Variants in PTPRD observed in about 807,000 individuals in gnomAD.
The protein encoded by PTPRD is receptor-type tyrosine-protein phosphatase delta.
A neutral mutation model predicts 214.5 loss-of-function variants in PTPRD; 34 were observed. The observed-to-expected ratio is 0.16, with a 90% confidence interval of 0.12 to 0.21. The LOEUF is 0.21. Ranked by LOEUF, PTPRD falls within the 10% of genes least tolerant of loss-of-function variation. The pLI, the probability that PTPRD is intolerant of heterozygous loss-of-function variation, is 1.00. For missense variants in PTPRD, 2,545 were observed against 2,398.7 expected (o/e 1.06, Z -1.27); for synonymous variants, 1,128 against 845.7 (o/e 1.33, Z -5.79).
chr9:9,504,929 G>A (rs1489087454), intron 8 of PTPRD, among the ~76,000 whole-genome samples: 1 of 151,596 alleles, frequency 6.6e-6, no homozygotes, highest in African/African-American at 2.4e-5. Flanking sequence ...AATAATGATT[G>A]CAGTAGAGAG....
chr9:10,487,062 T>C (rs1010923962), intron 2 of PTPRD, among the ~76,000 whole-genome samples: 1 of 152,200 alleles, frequency 6.6e-6, no homozygotes, highest in Non-Finnish European at 1.5e-5. Flanking sequence ...ATACTGGCAC[T>C]CTTTTTCTCT....
chr9:9,513,299 C>G (rs1366921366), intron 8 of PTPRD, among the ~76,000 whole-genome samples: 2 of 151,916 alleles, frequency 1.3e-5, no homozygotes, highest in Non-Finnish European at 2.9e-5. Flanking sequence ...TAAAAATGTT[C>G]ACAGTTCATG....
At position 10,535,502 on chromosome 9, in the gene PTPRD, G is replaced by A. The variant is rs557140236; in HGVS notation, c.-600+76896C>T. ...TATGCCAACATCTTTAAAAAAAAGTGTCTAACAAAAATGCACTTTGCTAAT... is the reference window on the plus strand; with the variant it reads ...TATGCCAACATCTTTAAAAAAAAGTATCTAACAAAAATGCACTTTGCTAAT... On this transcript the variant is annotated intron_variant, in intron 2 of 45. Coordinates refer to ENST00000381196, the MANE Select transcript of PTPRD (RefSeq NM_002839.4). Among the ~76,000 whole-genome samples the A allele has an allele frequency of 8.6e-4, 131 of 152,038 alleles. 1 individual carries two copies. Among genetic ancestry groups the A allele is most frequent in the Middle Eastern group, 3.4e-3 (1 of 294 alleles).
At chr9:8,339,613 T>G (rs7871355) in intron 42 of PTPRD, among the ~76,000 whole-genome samples, 18 of 152,116 alleles carry the variant, frequency 1.2e-4, no homozygotes, top group African/African-American at 4.1e-4. Flanking sequence ...CCTCGTCTGA[T>G]ATTCTTTTTG....
In PTPRD at chr9:8,810,655, T is replaced by C. The variant is rs548647102; in HGVS notation, c.-103-76709A>G. ...GTTTCAAGAGAAGTAGAGATCTGAA[T>C]TTTTATTTGCCATTCTCCAGTTTTT... On this transcript the variant is annotated intron_variant, in intron 11 of 45. Transcript: ENST00000381196. Among the ~76,000 whole-genome samples the C allele has an allele frequency of 8.1e-4, 124 of 152,336 alleles. 1 individual carries two copies. The highest frequency in any genetic ancestry group is 2.9e-3 in the African/African-American group (121 of 41,570).
intron 2 of PTPRD, among the ~76,000 whole-genome samples, chr9:10,443,848 C>T (rs2154524169): frequency 6.7e-6 from 1 of 149,952 alleles, no homozygotes; most frequent in Middle Eastern, 3.4e-3. Context: ...CTCAAATTCA[C>T]ACACACACAC....
chr9:10,341,317 TA>T (rs138283342), intron 2 of PTPRD, among the ~76,000 whole-genome samples: 10,476 of 151,992 alleles, frequency 0.069, 475 homozygotes, highest in Middle Eastern at 0.17. Context: ...GAATATTACC[TA>T]AAGAAAAATA....
rs963157495 is a variant in PTPRD, at chr9:8,389,224, A to T, written c.4386+8T>A. On this transcript the variant is annotated splice_region_variant and intron_variant, in intron 37 of 45. Coordinates refer to ENST00000381196, the MANE Select transcript of PTPRD (RefSeq NM_002839.4). ...TTTAAAAGGAAAGAGGTGGATACTT[A>T]TTCTTACCCTTGATCTTTCTTCTAG... 6.0e-5 allele frequency: 96 copies of T among 1,602,124 alleles called. No homozygotes were observed. The highest frequency in any genetic ancestry group is 8.2e-5 in the Non-Finnish European group (96 of 1,174,758).
intron 29 of PTPRD, among the ~76,000 whole-genome samples, chr9:8,484,726 C>T (rs953463672): frequency 6.6e-6 from 1 of 151,778 alleles, no homozygotes; most frequent in Non-Finnish European, 1.5e-5. Context: ...ATGAATATTG[C>T]CTATTTTCTA....
At chr9:10,575,023 A>G (rs2068752024) in intron 2 of PTPRD, among the ~76,000 whole-genome samples, 1 of 147,516 alleles carries the variant, frequency 6.8e-6, no homozygotes. Context: ...GAAAGATACA[A>G]AAACTACTTT....
intron 45 of PTPRD, 135 bp downstream of exon 45, chr9:8,319,696 T>C (rs775142941): frequency 3.8e-4 from 411 of 1,088,684 alleles, no homozygotes; most frequent in Non-Finnish European, 4.5e-4. Context: ...GAAAATGAGG[T>C]TCAAAATTAT....
intron 5 of PTPRD, among the ~76,000 whole-genome samples, chr9:9,881,587 TTTCAGTTAGCTTTGGAAC>T (rs1351518777): frequency 3.9e-5 from 6 of 152,126 alleles, no homozygotes; most frequent in African/African-American, 1.4e-4. Flanking sequence ...TACATGGAAC[TTTCAGTTAGCTTTGGAAC>T]TTCAGTTAGC....
At chr9:8,967,085 C>G (rs1237948476) in intron 11 of PTPRD, among the ~76,000 whole-genome samples, 1 of 151,512 alleles carries the variant, frequency 6.6e-6, no homozygotes, top group East Asian at 1.9e-4. Flanking sequence ...AAATCAAAAC[C>G]ACAGTGAGAT....
At position 9,425,942 on chromosome 9, in the gene PTPRD, C is replaced by T. The variant is rs185369317; in HGVS notation, c.-236-28460G>A. Among the ~76,000 whole-genome samples the T allele has an allele frequency of 1.0e-3, 153 of 152,020 alleles. 1 individual carries two copies. The highest frequency in any genetic ancestry group is 3.3e-3 in the African/African-American group (136 of 41,468). ...ACACTGGGGGAGGTTCCAAGATGGC[C>T]GAATAGGAACAGCTCCAGTCTACAG... On this transcript the variant is annotated intron_variant, in intron 8 of 45. Transcript: ENST00000381196.
chr9:9,947,290 G>T (rs778495613), intron 4 of PTPRD, among the ~76,000 whole-genome samples: 39 of 88,054 alleles, frequency 4.4e-4, no homozygotes, highest in Non-Finnish European at 7.1e-4. Context: ...GTGCTCTGGA[G>T]ATTATATATA....
Position 8,997,763 on chromosome 9 carries a change from C to A in PTPRD, c.-104+20934G>T, listed in dbSNP as rs182252652. On this transcript the variant is annotated intron_variant, in intron 11 of 45. Coordinates refer to ENST00000381196, the MANE Select transcript of PTPRD (RefSeq NM_002839.4). The stretch of plus-strand genomic sequence containing the variant: ...ACACCCAGATAGCTGAAATCTAGGC[C>A]TCTTGTGCCAAAAAGCTAGTCAAAC... Among the ~76,000 whole-genome samples the A allele has an allele frequency of 2.1e-3, 325 of 152,178 alleles. 6 individuals carry two copies. The highest frequency in any genetic ancestry group is 1.6e-3 in the Non-Finnish European group (111 of 67,990).
intron 13 of PTPRD, among the ~76,000 whole-genome samples, chr9:8,635,979 T>C (rs1244898890): frequency 6.6e-6 from 1 of 152,182 alleles, no homozygotes; most frequent in Non-Finnish European, 1.5e-5. Context: ...TGAGCTCTCC[T>C]GAATAAAGAA....
rs147544757 is a variant in PTPRD, at chr9:9,920,236, G to C, written c.-368+18271C>G. On this transcript the variant is annotated intron_variant, in intron 5 of 45. Coordinates refer to ENST00000381196, the MANE Select transcript of PTPRD (RefSeq NM_002839.4). ...AAAACAGAACAGTTTGTTTACCTCA[G>C]CTTTTTGTGGTCTGGATAATTTGCA... Among the ~76,000 whole-genome samples, 437 of 152,170 alleles carry C rather than the reference G, an allele frequency of 2.9e-3. 2 individuals carry two copies. Among genetic ancestry groups the C allele is most frequent in the African/African-American group, 9.9e-3 (410 of 41,518 alleles).
intron 3 of PTPRD, among the ~76,000 whole-genome samples, chr9:10,246,256 G>C (rs945844950): frequency 2.0e-5 from 3 of 152,008 alleles, no homozygotes; most frequent in African/African-American, 7.2e-5. Flanking sequence ...GTTTTGTTTT[G>C]TTTTGAGATG....
Sources: gnomAD v4.1 joint callset for allele counts (sites outside exome capture counted in the v4.1 genomes callset) on GRCh38, gnomAD v4.1.1 for gene constraint, MANE v1.5 for transcripts, NCBI Gene and HGNC (gene_info 2026-07-23, HGNC 2026-07-21) for gene names.